Variants in AKAP9 observed in about 807,000 individuals in gnomAD.
AKAP9 encodes the protein A-kinase anchor protein 9.
In AKAP9, 311 loss-of-function variants were observed where a neutral mutation model predicts 488.5. The ratio of observed to expected loss-of-function variants is 0.64; its 90% CI spans 0.58 to 0.70. The LOEUF is 0.70. Among genes scored for constraint, AKAP9 ranks in the 30% least tolerant of loss-of-function variants. AKAP9 has a pLI of 0.00. For missense variants in AKAP9, 4,215 were observed against 4,374.5 expected (o/e 0.96, Z 1.03); for synonymous variants, 1,462 against 1,483.5 (o/e 0.99, Z 0.33).
chr7:92,102,767 T>G lies in AKAP9; in HGVS notation c.11271T>G (p.Asn3757Lys), dbSNP rs1203956890. 1 of 1,614,204 alleles carries G rather than the reference T, an allele frequency of 6.2e-7. No homozygotes were observed. The highest frequency in any genetic ancestry group is 8.5e-7 in the Non-Finnish European group (1 of 1,180,032). Residue 3757 changes from asparagine to lysine, a missense_variant, in exon 46 of 50, where the codon AAT (asparagine) becomes AAG (lysine). Physicochemically the swap from Asn to Lys is moderately conservative, Grantham distance 94. Around this residue, in one of 5 missense-constraint regions of AKAP9, gnomAD observed 253 missense variants for 266.8 expected, o/e 0.95. Coordinates refer to ENST00000356239, the MANE Select transcript of AKAP9 (RefSeq NM_005751.5). ...TCACGGATCTAGAGGTGATCACCAA[T>G]CGCCCAAAGGGCTTCACCAGGTTTC... ...PAFTDLEVIT[N>K]RPKGFTRFRS...
In AKAP9 at chr7:92,079,505, C is replaced by T; in HGVS notation, c.7372C>T (p.Leu2458=). 6.2e-7 allele frequency: 1 copy of T among 1,613,942 alleles called. No homozygotes were observed. The highest frequency in any genetic ancestry group is 1.3e-5 in the African/African-American group (1 of 75,050). The change falls in exon 31 of 50, where the codon CTG becomes TTG. Residue 2458 remains leucine, a synonymous_variant. Transcript: ENST00000356239. ...TAGTGTTAACGTGGCTATAGATCAT[C>T]TGAGCAAAGACAAACCTGAACTAGA... The part of the protein sequence containing the change: ...ENSVNVAIDH[L]SKDKPELEVV...
rs534439820 is a variant in AKAP9 at position 92,101,473 on chromosome 7, T to A, written c.11097+417T>A. Among the ~76,000 whole-genome samples the A allele has an allele frequency of 9.2e-5, 14 of 152,122 alleles. No homozygotes were observed. The East Asian group carries it at 2.5e-3, about 27-fold the overall frequency. Reference sequence around the variant, plus strand: ...AAAAATGTAGATAGTATTCAGGTTTTGTCTCTAGGTCTTTTTATTCAGTCT... The same window carrying A: ...AAAAATGTAGATAGTATTCAGGTTTAGTCTCTAGGTCTTTTTATTCAGTCT... On this transcript the variant is annotated intron_variant, in intron 45 of 49. Transcript: ENST00000356239.
At chr7:91,957,711 GTAAC>G (rs1793202354) in intron 1 of AKAP9, among the ~76,000 whole-genome samples, 1 of 152,094 alleles carries the variant, frequency 6.6e-6, no homozygotes, top group South Asian at 2.1e-4. Context: ...TGTTCCTCCT[GTAAC>G]TAAAGTTGCA....
intron 1 of AKAP9, among the ~76,000 whole-genome samples, chr7:91,951,881 TAAAAATA>T (rs1380903633): frequency 2.0e-5 from 3 of 151,922 alleles, no homozygotes; most frequent in African/African-American, 7.2e-5. Context: ...TCTCAAAAAA[TAAAAATA>T]AAAAATAAAA....
intron 8 of AKAP9, among the ~76,000 whole-genome samples, chr7:92,003,880 A>T (rs1277632703): frequency 1.3e-5 from 2 of 152,162 alleles, no homozygotes; most frequent in Non-Finnish European, 2.9e-5. Flanking sequence ...ATAACAGGAA[A>T]ATTCTGCTAT....
rs1269759543 is a variant in AKAP9 at position 91,980,349 on chromosome 7, A to G, written c.351+16A>G. 1.4e-6 allele frequency: 2 copies of G among 1,384,948 alleles called. No homozygotes were observed. Among genetic ancestry groups the G allele is most frequent in the African/African-American group, 1.4e-5 (1 of 69,994 alleles). The allele number at this position is 1,384,948 out of a possible 1,614,324, so 85.8% of individuals were successfully genotyped here. ...CAGTTCAGAGGTAAGACTAAATTATATTGATTTCTAATATCATAAATGTAT... is the reference window on the plus strand; with the variant it reads ...CAGTTCAGAGGTAAGACTAAATTATGTTGATTTCTAATATCATAAATGTAT... On this transcript the variant is annotated intron_variant, in intron 3 of 49. Coordinates refer to ENST00000356239, the MANE Select transcript of AKAP9 (RefSeq NM_005751.5).
Position 92,109,801 on chromosome 7 carries a change from A to C in AKAP9, c.11687-321A>C, listed in dbSNP as rs370183274. 2.1e-3 allele frequency among the ~76,000 whole-genome samples: 313 copies of C among 152,122 alleles called. 1 individual carries two copies. Among genetic ancestry groups the C allele is most frequent in the African/African-American group, 5.9e-3 (246 of 41,504 alleles). Reference sequence around the variant, plus strand: ...CCCCGTCTCCACTAAAAATACAAAAATTTGCTGGACATGGTGGCATGTGTG... The same window carrying C: ...CCCCGTCTCCACTAAAAATACAAAACTTTGCTGGACATGGTGGCATGTGTG... On this transcript the variant is annotated intron_variant, in intron 49 of 49. Transcript: ENST00000356239.
chr7:91,952,283 TAAATATGATTG>T (rs1299963372), intron 1 of AKAP9, among the ~76,000 whole-genome samples: 3 of 152,232 alleles, frequency 2.0e-5, no homozygotes, highest in Non-Finnish European at 4.4e-5. Flanking sequence ...ACTCATTCAG[TAAATATGATTG>T]AACACTTACT....
chr7:92,098,127 A>G lies in AKAP9; in HGVS notation c.10626A>G (p.Ala3542=), dbSNP rs1816923793. 4 of 1,610,044 alleles carry G rather than the reference A, an allele frequency of 2.5e-6. No homozygotes were observed. Among genetic ancestry groups the G allele is most frequent in the Non-Finnish European group, 3.4e-6 (4 of 1,176,514 alleles). Reference sequence around the variant, plus strand: ...CTTGAAGACTACAGTTTGAAACAGCAGATGATGAAGATTTCATTTGGGTTC... The same window carrying G: ...CTTGAAGACTACAGTTTGAAACAGCGGATGATGAAGATTTCATTTGGGTTC... ...KASERLQFET[A]DDEDFIWVQE... The change falls in exon 43 of 50, where the codon GCA becomes GCG. Residue 3542 remains alanine, a synonymous_variant. Transcript: ENST00000356239.
intron 1 of AKAP9, among the ~76,000 whole-genome samples, chr7:91,947,494 C>G (rs990542211): frequency 6.6e-6 from 1 of 152,174 alleles, no homozygotes; most frequent in African/African-American, 2.4e-5. Flanking sequence ...AGGCGCCCAC[C>G]ACCACACCCG....
intron 3 of AKAP9, among the ~76,000 whole-genome samples, chr7:91,983,441 CA>C (rs1298026485): frequency 2.0e-5 from 3 of 152,144 alleles, no homozygotes; most frequent in African/African-American, 7.2e-5. Context: ...TTTGTTAATC[CA>C]GTCTATCATT....
Position 92,014,243 on chromosome 7 carries a change from T to C in AKAP9, c.3533-6T>C. The C allele has an allele frequency of 1.3e-6, 2 of 1,594,532 alleles. No individual in the cohort carries two copies. The highest frequency in any genetic ancestry group is 1.7e-6 in the Non-Finnish European group (2 of 1,162,502). On this transcript the variant is annotated splice_region_variant and splice_polypyrimidine_tract_variant and intron_variant, in intron 9 of 49. Coordinates refer to ENST00000356239, the MANE Select transcript of AKAP9 (RefSeq NM_005751.5). The stretch of plus-strand genomic sequence containing the variant: ...GAATTTCTTAATCCATTATCTGTTC[T>C]ATTAGGTGATGAAGGAAAGCCTTTA...
At chr7:92,018,395 A>AGCACACACACAC (rs1488182254) in intron 12 of AKAP9, among the ~76,000 whole-genome samples, 1 of 120,610 alleles carries the variant, frequency 8.3e-6, no homozygotes, top group Non-Finnish European at 1.7e-5. Flanking sequence ...CTAAAAATAT[A>AGCACACACACAC]ACACACACAC....
intron 21 of AKAP9, among the ~76,000 whole-genome samples, chr7:92,048,863 A>T (rs1186637561): frequency 6.6e-6 from 1 of 152,154 alleles, no homozygotes; most frequent in African/African-American, 2.4e-5. Context: ...CCGAGATCAC[A>T]CCACTGCACT....
intron 28 of AKAP9, among the ~76,000 whole-genome samples, chr7:92,073,658 A>G (rs535302148): frequency 6.6e-6 from 1 of 152,336 alleles, no homozygotes; most frequent in South Asian, 2.1e-4. Flanking sequence ...CAGGCTCAAT[A>G]AGAAGAGAGC....
chr7:92,088,926 G>C (rs1005572925), intron 37 of AKAP9, among the ~76,000 whole-genome samples: 1 of 152,136 alleles, frequency 6.6e-6, no homozygotes, highest in African/African-American at 2.4e-5. Flanking sequence ...AGATACATGG[G>C]AACTTTAGCT....
chr7:92,080,834 T>G (rs961399436), intron 31 of AKAP9, among the ~76,000 whole-genome samples: 1 of 152,196 alleles, frequency 6.6e-6, no homozygotes, highest in African/African-American at 2.4e-5. Context: ...CTCAGTTGAC[T>G]GCTTGTCATT....
At position 92,095,121 on chromosome 7, in the gene AKAP9, AAG is replaced by A; in HGVS notation, c.9681_9682del (p.Lys3228SerfsTer7). ...AGAGAGCTCCAGTGGGCTTTGGAGAAAGAGAAAGCCAAGTTGGGACGCAGTGA... is the reference window on the plus strand; with the variant it reads ...AGAGAGCTCCAGTGGGCTTTGGAGAAAGAAAGCCAAGTTGGGACGCAGTGA... On this transcript the variant is annotated frameshift_variant, in exon 40 of 50. Transcript: ENST00000356239. LOFTEE classifies it high-confidence loss of function. 6.2e-7 allele frequency: 1 copy of A among 1,614,208 alleles called. No individual in the cohort carries two copies. The highest frequency in any genetic ancestry group is 8.5e-7 in the Non-Finnish European group (1 of 1,180,020).
chr7:91,946,173 C>A (rs2130445078), intron 1 of AKAP9, among the ~76,000 whole-genome samples: 1 of 152,294 alleles, frequency 6.6e-6, no homozygotes, highest in East Asian at 1.9e-4. Context: ...ATAGACAAAG[C>A]TGGTTATGGT....
Sources: allele counts gnomAD v4.1 joint callset (sites outside exome capture counted in the v4.1 genomes callset), GRCh38; gene constraint gnomAD v4.1.1; regional missense constraint gnomAD v4.1.1; transcripts MANE v1.5; gene names NCBI Gene and HGNC (gene_info 2026-07-23, HGNC 2026-07-21).